LMBR1: variants seen among roughly 807,000 people sequenced by gnomAD.
LMBR1 encodes limb development membrane protein 1.
Under a neutral mutation model 73.9 loss-of-function variants are expected in LMBR1, and 52 were observed. The observed-to-expected ratio is 0.70, with a 90% CI of 0.56 to 0.89. The LOEUF (loss-of-function observed/expected upper bound fraction) is 0.89. Ranked by LOEUF, LMBR1 falls within the 40% of genes least tolerant of loss-of-function variation. LMBR1 has a pLI of 0.00. For missense variants in LMBR1, 539 were observed against 579.8 expected, an observed-to-expected ratio of 0.93 and a Z score of 0.72; for synonymous variants, 215 against 209.4, an observed-to-expected ratio of 1.03 and a Z score of -0.23.
chr7:156,693,491 A>G (rs959940753), intron 15 of LMBR1, among the ~76,000 whole-genome samples: 13 of 152,164 alleles, frequency 8.5e-5, no homozygotes, highest in Non-Finnish European at 2.9e-5. Flanking sequence ...AAATAAAAAG[A>G]TCATAAGGAA....
chr7:156,692,153 G>T (rs1309437434), intron 15 of LMBR1, among the ~76,000 whole-genome samples: 1 of 152,088 alleles, frequency 6.6e-6, no homozygotes, highest in African/African-American at 2.4e-5. Context: ...TCAGCTCACT[G>T]CAACCCAAGC....
chr7:156,812,736 A>G (rs1833304110), intron 4 of LMBR1, among the ~76,000 whole-genome samples: 1 of 152,222 alleles, frequency 6.6e-6, no homozygotes, highest in African/African-American at 2.4e-5. Context: ...CGAACTGAGA[A>G]AATGATATCC....
intron 1 of LMBR1, among the ~76,000 whole-genome samples, chr7:156,849,237 T>C (rs1257700250): frequency 6.6e-6 from 1 of 152,124 alleles, no homozygotes; most frequent in Admixed American, 6.5e-5. Context: ...CTAGAGACCA[T>C]TATCCTAAGT....
At chr7:156,779,855 A>T (rs1826809430) in intron 5 of LMBR1, 1 of 340,600 alleles carries the variant, frequency 2.9e-6, no homozygotes, top group South Asian at 2.6e-5. Context: ...CTTAACAAAA[A>T]GGGTCTCTCA....
chr7:156,855,666 C>CAAAAAAAAAAA (rs35231167), intron 1 of LMBR1, among the ~76,000 whole-genome samples: 2 of 87,276 alleles, frequency 2.3e-5, no homozygotes, highest in Non-Finnish European at 4.4e-5. Flanking sequence ...AACGTAAATA[C>CAAAAAAAAAAA]AAAAAAAAAA....
intron 9 of LMBR1, among the ~76,000 whole-genome samples, chr7:156,740,550 C>T (rs888238774): frequency 1.3e-5 from 2 of 152,160 alleles, no homozygotes; most frequent in African/African-American, 4.8e-5. Context: ...TGGCAGCAGA[C>T]TTTTCAGTGG....
At chr7:156,691,283 G>C (rs1327807017) in intron 15 of LMBR1, among the ~76,000 whole-genome samples, 1 of 152,156 alleles carries the variant, frequency 6.6e-6, no homozygotes, top group Non-Finnish European at 1.5e-5. Context: ...AAGTTAAGCA[G>C]TAGTTAAGCA....
At chr7:156,754,894 T>C (rs1015667062) in intron 9 of LMBR1, among the ~76,000 whole-genome samples, 2 of 152,198 alleles carry the variant, frequency 1.3e-5, no homozygotes, top group Non-Finnish European at 2.9e-5. Context: ...ACATAAATCA[T>C]TTAGCTCTTT....
At chr7:156,872,146 CTT>C (rs1488882420) in intron 1 of LMBR1, 1 of 152,016 alleles carries the variant, frequency 6.6e-6, no homozygotes, top group African/African-American at 2.4e-5. Flanking sequence ...TGATGGAAAA[CTT>C]TTCCTGATAC....
chr7:156,718,694 G>A (rs990974613), intron 15 of LMBR1, among the ~76,000 whole-genome samples: 1 of 152,152 alleles, frequency 6.6e-6, no homozygotes, highest in Non-Finnish European at 1.5e-5. Context: ...CTATGATGGT[G>A]CCACTGCACT....
At chr7:156,714,454 G>A (rs1307778591) in intron 15 of LMBR1, among the ~76,000 whole-genome samples, 1 of 152,194 alleles carries the variant, frequency 6.6e-6, no homozygotes, top group Non-Finnish European at 1.5e-5. Context: ...GATGTACTTT[G>A]TTTCTAACAC....
At chr7:156,706,657 AT>A (rs1563177144) in intron 15 of LMBR1, among the ~76,000 whole-genome samples, 1 of 152,176 alleles carries the variant, frequency 6.6e-6, no homozygotes. Context: ...TAAGTCAGAA[AT>A]TAAAAAAAAA....
At chr7:156,888,819 C>CT (rs1802392237) in intron 1 of LMBR1, among the ~76,000 whole-genome samples, 1 of 152,092 alleles carries the variant, frequency 6.6e-6, no homozygotes, top group Non-Finnish European at 1.5e-5. Flanking sequence ...CTTTGGGAGG[C>CT]TGAGGCAGGT....
In LMBR1 at chr7:156,725,817, G is replaced by A. The variant is rs770221989; in HGVS notation, c.1014C>T (p.Ala338=). ...KGTRGPGIGN[A]SLSTFGFVGA... ...CCACAAAACCAAACGTAGAAAGAGAGGCATTTCCTATTCCAGGCCCCTGGG... is the reference window on the plus strand; with the variant it reads ...CCACAAAACCAAACGTAGAAAGAGAAGCATTTCCTATTCCAGGCCCCTGGG... The change falls in exon 13 of 17, where the codon GCC becomes GCT. Residue 338 remains alanine, a synonymous_variant. Transcript: ENST00000353442. The A allele has an allele frequency of 6.2e-7, 1 of 1,612,688 alleles. No individual in the cohort carries two copies. The highest frequency in any genetic ancestry group is 1.1e-5 in the South Asian group (1 of 90,892).
At chr7:156,831,014 A>G (rs1341217765) in intron 3 of LMBR1, among the ~76,000 whole-genome samples, 1 of 152,234 alleles carries the variant, frequency 6.6e-6, no homozygotes, top group East Asian at 1.9e-4. Flanking sequence ...GATAAGTGTT[A>G]CAGGAAAACA....
At chr7:156,748,714 C>T (rs1820291498) in intron 9 of LMBR1, among the ~76,000 whole-genome samples, 1 of 152,136 alleles carries the variant, frequency 6.6e-6, no homozygotes. Flanking sequence ...GTCTTGAACT[C>T]CTTACCTCAG....
intron 1 of LMBR1, among the ~76,000 whole-genome samples, chr7:156,844,876 A>C (rs1384674750): frequency 1.3e-5 from 2 of 152,234 alleles, no homozygotes; most frequent in Non-Finnish European, 2.9e-5. Context: ...CACAGTCATA[A>C]GTAACTGAAT....
intron 15 of LMBR1, among the ~76,000 whole-genome samples, chr7:156,719,936 C>T (rs566764789): frequency 1.9e-4 from 29 of 151,034 alleles, no homozygotes; most frequent in African/African-American, 7.0e-4. Context: ...CTTCCTTACA[C>T]CTTATACAAA....
chr7:156,765,105 A>G (rs962174363), intron 5 of LMBR1, among the ~76,000 whole-genome samples: 2 of 152,226 alleles, frequency 1.3e-5, no homozygotes, highest in African/African-American at 4.8e-5. Flanking sequence ...AATAGTCACA[A>G]AACACACTAC....
Sources: allele counts gnomAD v4.1 joint callset (sites outside exome capture counted in the v4.1 genomes callset), GRCh38; gene constraint gnomAD v4.1.1; transcripts MANE v1.5; gene names NCBI Gene and HGNC (gene_info 2026-07-23, HGNC 2026-07-21).